NBAS: variants seen among roughly 807,000 people sequenced by gnomAD.
The protein encoded by NBAS is NAG/BC035112 fusion.
In NBAS, 219 loss-of-function variants were observed where a neutral mutation model predicts 302.5. That is an observed-to-expected ratio of 0.72 (90% CI 0.65 to 0.81). NBAS has a LOEUF of 0.81. Among genes scored for constraint, NBAS ranks in the 30% least tolerant of loss-of-function variants. The pLI is 0.00. For missense variants in NBAS, 2,932 were observed against 2,841.6 expected (o/e 1.03, Z -0.72); for synonymous variants, 1,118 against 1,021.6 (o/e 1.09, Z -1.80).
At chr2:15,433,203 G>A (rs1056596915) in intron 21 of NBAS, among the ~76,000 whole-genome samples, 1 of 152,140 alleles carries the variant, frequency 6.6e-6, no homozygotes, top group Non-Finnish European at 1.5e-5. Flanking sequence ...TCTAACCTCT[G>A]GGTTAGAATT....
intron 21 of NBAS, among the ~76,000 whole-genome samples, chr2:15,440,882 G>A (rs899221217): frequency 2.4e-4 from 37 of 152,036 alleles, no homozygotes; most frequent in East Asian, 1.4e-3. Flanking sequence ...GAGCCGATGC[G>A]ATCAACTGGA....
At chr2:15,410,007 T>C (rs1676605467) in intron 25 of NBAS, among the ~76,000 whole-genome samples, 1 of 152,170 alleles carries the variant, frequency 6.6e-6, no homozygotes, top group Non-Finnish European at 1.5e-5. Flanking sequence ...AGCCTGTTGT[T>C]TGACTGCTCA....
intron 35 of NBAS, among the ~76,000 whole-genome samples, chr2:15,335,189 A>G (rs2148248710): frequency 6.6e-6 from 1 of 151,902 alleles, no homozygotes; most frequent in Non-Finnish European, 1.5e-5. Context: ...AAAAAAAAAA[A>G]AAAAAAAAAT....
At chr2:15,385,806 A>G (rs1675263073) in intron 28 of NBAS, among the ~76,000 whole-genome samples, 1 of 152,166 alleles carries the variant, frequency 6.6e-6, no homozygotes. Context: ...CAGGCATCAC[A>G]TTCTCTTACA....
In NBAS at chr2:15,385,715, T is replaced by A. The variant is rs1298009065; in HGVS notation, c.3258-2398A>T. Reference sequence around the variant, plus strand: ...CCACCCTTTAGAATATGTATAAGAATATTCTATGGGTAGTGAAGGTCAAGC... The same window carrying A: ...CCACCCTTTAGAATATGTATAAGAAAATTCTATGGGTAGTGAAGGTCAAGC... On this transcript the variant is annotated intron_variant, in intron 28 of 51. Coordinates refer to ENST00000281513, the MANE Select transcript of NBAS (RefSeq NM_015909.4). Among the ~76,000 whole-genome samples the A allele has an allele frequency of 2.6e-5, 4 of 152,294 alleles. No individual in the cohort carries two copies. The East Asian group carries it at 7.7e-4, about 29-fold the overall frequency.
rs1452506618 is a variant in NBAS, at chr2:15,353,593, A to G, written c.4049T>C (p.Ile1350Thr). Residue 1350 changes from isoleucine to threonine, a missense_variant, in exon 34 of 52, where the codon ATT (isoleucine) becomes ACT (threonine). By Grantham distance (89) the Ile-to-Thr change is moderately conservative. Coordinates refer to ENST00000281513, the MANE Select transcript of NBAS (RefSeq NM_015909.4). ...FALTHCPPSS[I>T]ELLLAASSSL... The stretch of plus-strand genomic sequence containing the variant: ...GCTGCTAGCTGCCAAAAGAAGTTCA[A>G]TGCTGCTAGGAGGGCAATGTGTCAA... The G allele has an allele frequency of 6.2e-7, 1 of 1,614,044 alleles. No homozygotes were observed. The highest frequency in any genetic ancestry group is 1.7e-5 in the Admixed American group (1 of 60,018).
intron 21 of NBAS, among the ~76,000 whole-genome samples, chr2:15,430,031 A>G (rs1328384877): frequency 6.6e-6 from 1 of 152,202 alleles, no homozygotes; most frequent in Non-Finnish European, 1.5e-5. Flanking sequence ...CTAGCAAGCT[A>G]TTATGACCTT....
At chr2:15,158,072 G>A in the NBAS span, among the ~76,000 whole-genome samples, 34 of 152,142 alleles carry the variant, frequency 2.2e-4, no homozygotes, top group Non-Finnish European at 1.8e-4. Flanking sequence ...GCCCTACCCT[G>A]CAAGGCCATC....
At chr2:14,807,454 AGTGTGTGTGTGTGTGT>A in the NBAS span, among the ~76,000 whole-genome samples, 3 of 147,236 alleles carry the variant, frequency 2.0e-5, no homozygotes, top group South Asian at 6.5e-4. Context: ...TGTGTGTGTG[AGTGTGTGTGTGTGTGT>A]GTGTGTGTGT....
At chr2:14,886,188 C>T in the NBAS span, among the ~76,000 whole-genome samples, 1 of 138,184 alleles carries the variant, frequency 7.2e-6, no homozygotes, top group South Asian at 2.2e-4. Flanking sequence ...CAGCCCTGAC[C>T]TCCATAATTC....
intron 35 of NBAS, among the ~76,000 whole-genome samples, chr2:15,333,853 A>G (rs1558543647): frequency 6.6e-6 from 1 of 151,762 alleles, no homozygotes; most frequent in Non-Finnish European, 1.5e-5. Flanking sequence ...AAAAAAAAAA[A>G]AAAAGAAGAG....
chr2:14,991,323 T>C, the NBAS span, among the ~76,000 whole-genome samples: 1 of 152,046 alleles, frequency 6.6e-6, no homozygotes, highest in Admixed American at 6.5e-5. Flanking sequence ...GTAAGGATCA[T>C]CTTGCTGAGC....
In NBAS at chr2:15,237,867, C is replaced by T. The variant is rs182041562; in HGVS notation, c.5943+601G>A. Among the ~76,000 whole-genome samples the T allele has an allele frequency of 3.6e-3, 552 of 151,796 alleles. 2 individuals are homozygous for T. The highest frequency in any genetic ancestry group is 0.012 in the African/African-American group (498 of 41,362). Reference sequence around the variant, plus strand: ...TCAGCTCACTGCAAACTCCGCCTCCCGGGTTCAAGCCATTCCCCTGCCTCA... The same window carrying T: ...TCAGCTCACTGCAAACTCCGCCTCCTGGGTTCAAGCCATTCCCCTGCCTCA... On this transcript the variant is annotated intron_variant, in intron 45 of 51. Coordinates refer to ENST00000281513, the MANE Select transcript of NBAS (RefSeq NM_015909.4).
At chr2:15,254,146 T>C (rs2147995188) in intron 44 of NBAS, among the ~76,000 whole-genome samples, 1 of 152,210 alleles carries the variant, frequency 6.6e-6, no homozygotes, top group South Asian at 2.1e-4. Context: ...TATCTATTCA[T>C]GTGTTTTGCA....
the NBAS span, among the ~76,000 whole-genome samples, chr2:14,837,433 G>A: frequency 4.0e-5 from 6 of 151,848 alleles, no homozygotes; most frequent in Middle Eastern, 3.4e-3. Context: ...AGGTTTTGCT[G>A]GATTTATGAA....
the NBAS span, among the ~76,000 whole-genome samples, chr2:14,979,426 T>G: frequency 6.6e-6 from 1 of 152,184 alleles, no homozygotes; most frequent in African/African-American, 2.4e-5. Flanking sequence ...TACGATTTAT[T>G]AAACCCTACT....
chr2:14,943,144 C>T, the NBAS span, among the ~76,000 whole-genome samples: 3 of 152,204 alleles, frequency 2.0e-5, no homozygotes, highest in Admixed American at 6.5e-5. Context: ...TCAAATGAGC[C>T]GTTCTAATGC....
intron 44 of NBAS, among the ~76,000 whole-genome samples, chr2:15,256,364 CATT>C (rs746553642): frequency 2.0e-5 from 3 of 151,978 alleles, no homozygotes; most frequent in Non-Finnish European, 2.9e-5. Flanking sequence ...TCGGCTTGGT[CATT>C]GTTGTTGCAT....
At chr2:14,912,875 G>A in the NBAS span, among the ~76,000 whole-genome samples, 2 of 151,998 alleles carry the variant, frequency 1.3e-5, no homozygotes, top group African/African-American at 2.4e-5. Flanking sequence ...TTTAAACAAC[G>A]CAAGGCATGG....
Sources: gnomAD v4.1 joint callset for allele counts (sites outside exome capture counted in the v4.1 genomes callset) on GRCh38, gnomAD v4.1.1 for gene constraint, MANE v1.5 for transcripts, NCBI Gene and HGNC (gene_info 2026-07-23, HGNC 2026-07-21) for gene names.